The following PPA2 variants were observed in gnomAD, a reference collection of about 807,000 sequenced individuals.
PPA2 encodes the protein inorganic pyrophosphatase 2, mitochondrial.
Under a neutral mutation model 49.5 loss-of-function variants are expected in PPA2, and 48 were observed. The ratio of observed to expected loss-of-function variants is 0.97; its 90% CI spans 0.77 to 1.23. The LOEUF is 1.23. Among genes scored for constraint, PPA2 ranks in the 50% most tolerant of loss-of-function variants. The probability of loss-of-function intolerance (pLI) is 0.00; values close to 1 mark genes in which losing one functional copy is unlikely to be tolerated. For missense variants in PPA2, 429 were observed against 410.1 expected, an observed-to-expected ratio of 1.05 and a Z score of -0.40; for synonymous variants, 131 against 139.9, an observed-to-expected ratio of 0.94 and a Z score of 0.45.
In PPA2 at chr4:105,473,975, T is replaced by C. The variant is rs1205713640; in HGVS notation, c.76A>G (p.Thr26Ala). 42 of 1,610,774 alleles carry C rather than the reference T, an allele frequency of 2.6e-5. No individual in the cohort carries two copies. The highest frequency in any genetic ancestry group is 3.5e-5 in the Non-Finnish European group (41 of 1,178,956). ...AGGGCCATAGCACGGCGCGACCCGG[T>C]CCCTGCACTGGTCCCCAACCGCAGG... ...ACLRLGTSAG[T>A]GSRRAMALYH... is the part of the protein sequence containing the mutation. Residue 26 changes from threonine (T) to alanine (A), a missense_variant, in exon 1 of 12, where the codon ACC (threonine) becomes GCC (alanine). Coordinates refer to ENST00000341695, the MANE Select transcript of PPA2 (RefSeq NM_176869.3).
At chr4:105,446,650 C>T in intron 4 of PPA2, 148 bp from the exon 5 acceptor site, 1 of 990,726 alleles carries the variant, frequency 1.0e-6, no homozygotes, top group Non-Finnish European at 1.4e-6. Context: ...GAAATTAAGC[C>T]AGCTCTTATT....
chr4:105,417,557 C>CT, intron 7 of PPA2, among the ~76,000 whole-genome samples: 1 of 79,888 alleles, frequency 1.3e-5, no homozygotes, highest in Non-Finnish European at 3.0e-5. Flanking sequence ...ATGACTGAAA[C>CT]CAAAAAAAAA....
At chr4:105,396,861 G>GT (rs1177252795) in intron 8 of PPA2, among the ~76,000 whole-genome samples, 1 of 152,186 alleles carries the variant, frequency 6.6e-6, no homozygotes, top group Non-Finnish European at 1.5e-5. Flanking sequence ...CGGCTTGTCA[G>GT]TAAGCATGCA....
At chr4:105,412,044 C>T (rs999469043) in intron 7 of PPA2, among the ~76,000 whole-genome samples, 1 of 152,106 alleles carries the variant, frequency 6.6e-6, no homozygotes, top group Admixed American at 6.5e-5. Context: ...CAGTGACATG[C>T]CGATCAAGCT....
At chr4:105,379,471 C>T (rs1474526009) in intron 10 of PPA2, among the ~76,000 whole-genome samples, 1 of 134,174 alleles carries the variant, frequency 7.5e-6, no homozygotes, top group Admixed American at 7.2e-5. Context: ...ATAGATATCT[C>T]AAGCAACTAT....
At chr4:105,456,891 A>G (rs1221387435) in intron 1 of PPA2, 146 bp from the exon 2 acceptor site, 1 of 541,620 alleles carries the variant, frequency 1.8e-6, no homozygotes, top group Non-Finnish European at 3.0e-6. Flanking sequence ...AAGTTAATTC[A>G]ACTTTTAAAA....
At chr4:105,405,408 A>G in intron 7 of PPA2, 1 of 795,378 alleles carries the variant, frequency 1.3e-6, no homozygotes, top group Non-Finnish European at 1.5e-6. Context: ...GTTTACTTTT[A>G]TCTCTAATAT....
rs539068736 is a variant in PPA2 at position 105,467,862 on chromosome 4, T to C, written c.157+6032A>G. 7.2e-5 allele frequency among the ~76,000 whole-genome samples: 11 copies of C among 152,338 alleles called. No homozygotes were observed. The East Asian group carries it at 2.1e-3, about 29-fold the overall frequency. On this transcript the variant is annotated intron_variant, in intron 1 of 11. Coordinates refer to ENST00000341695, the MANE Select transcript of PPA2 (RefSeq NM_176869.3). ...GTGGGGAGTCAGGAGTTCTGTTTTG[T>C]GCTGTTAATCTTGAGTTGTATCTTA...
At chr4:105,406,544 A>G (rs555312215) in intron 7 of PPA2, among the ~76,000 whole-genome samples, 28 of 152,296 alleles carry the variant, frequency 1.8e-4, no homozygotes, top group Non-Finnish European at 3.1e-4. Context: ...AAAGATAAGG[A>G]GAAAATCTTT....
intron 10 of PPA2, among the ~76,000 whole-genome samples, chr4:105,382,067 A>G (rs1020083676): frequency 2.0e-5 from 3 of 152,030 alleles, no homozygotes; most frequent in Non-Finnish European, 4.4e-5. Context: ...GCTGCATTAC[A>G]TAAGTTTTAA....
chr4:105,413,152 T>C (rs993454201), intron 7 of PPA2, among the ~76,000 whole-genome samples: 1 of 152,194 alleles, frequency 6.6e-6, no homozygotes, highest in South Asian at 2.1e-4. Context: ...TATGCAGCCA[T>C]AAAAGGGTGA....
chr4:105,461,989 T>C (rs1324774599), intron 1 of PPA2, among the ~76,000 whole-genome samples: 3 of 152,214 alleles, frequency 2.0e-5, no homozygotes, highest in Admixed American at 6.5e-5. Flanking sequence ...CCAGGGCCAA[T>C]CATGTTGATA....
chr4:105,417,380 G>GA (rs1278254359), intron 7 of PPA2, among the ~76,000 whole-genome samples: 1 of 151,942 alleles, frequency 6.6e-6, no homozygotes, highest in Non-Finnish European at 1.5e-5. Flanking sequence ...TTAGAGATGG[G>GA]AAAAACCCTA....
At position 105,471,279 on chromosome 4, in the gene PPA2, A is replaced by C. The variant is rs144383908; in HGVS notation, c.157+2615T>G. Among the ~76,000 whole-genome samples, 1,192 of 152,288 alleles carry C rather than the reference A, an allele frequency of 7.8e-3. 7 individuals are homozygous for C. The highest frequency in any genetic ancestry group is 0.013 in the Non-Finnish European group (866 of 68,018). On this transcript the variant is annotated intron_variant, in intron 1 of 11. Transcript: ENST00000341695. ...AGATACTAACAGGGTCAGGGCTGGC[A>C]CCAAGGAGGCCTGATGATTCCCATC... is the stretch of plus-strand genomic sequence containing the variant.
intron 1 of PPA2, among the ~76,000 whole-genome samples, chr4:105,458,187 G>GT (rs1159361040): frequency 9.2e-5 from 14 of 152,224 alleles, no homozygotes; most frequent in Non-Finnish European, 1.5e-4. Context: ...TTGAGAAACC[G>GT]TAACAGATTG....
intron 9 of PPA2, among the ~76,000 whole-genome samples, chr4:105,388,259 C>A (rs907303183): frequency 2.4e-4 from 37 of 152,196 alleles, no homozygotes; most frequent in African/African-American, 8.9e-4. Flanking sequence ...AGTGATTTAA[C>A]TGGTGTCCTG....
intron 6 of PPA2, among the ~76,000 whole-genome samples, chr4:105,427,824 A>T (rs1578851178): frequency 6.6e-6 from 1 of 152,206 alleles, no homozygotes; most frequent in African/African-American, 2.4e-5. Context: ...GCAGGCCAAC[A>T]TTCAAATTCA....
chr4:105,405,351 AG>A, intron 7 of PPA2: 1 of 761,412 alleles, frequency 1.3e-6, no homozygotes. Flanking sequence ...CTTATAGTAA[AG>A]ACCCTAAATG....
intron 7 of PPA2, among the ~76,000 whole-genome samples, chr4:105,412,225 G>T (rs539272655): frequency 4.6e-5 from 7 of 152,252 alleles, no homozygotes; most frequent in Admixed American, 2.0e-4. Context: ...AAACAGCATG[G>T]TACTGGTACC....
Sources: gnomAD v4.1 joint callset for allele counts (sites outside exome capture counted in the v4.1 genomes callset) on GRCh38, gnomAD v4.1.1 for gene constraint, MANE v1.5 for transcripts, NCBI Gene and HGNC (gene_info 2026-07-23, HGNC 2026-07-21) for gene names.